Variants in CMIP observed in about 807,000 individuals in gnomAD.
CMIP encodes the protein C-Maf-inducing protein.
Under a neutral mutation model 97.3 loss-of-function variants are expected in CMIP, and 13 were observed. The ratio of observed to expected loss-of-function variants is 0.13; its 90% CI spans 0.09 to 0.21. The LOEUF (loss-of-function observed/expected upper bound fraction) is 0.21. Ranked by LOEUF, CMIP falls within the 10% of genes least tolerant of loss-of-function variation. The pLI is 1.00. For synonymous variants in CMIP, 538 were observed against 436.3 expected (o/e 1.23, Z -2.91); for missense variants, 847 against 1,024.9 (o/e 0.83, Z 2.37).
intron 2 of CMIP, among the ~76,000 whole-genome samples, chr16:81,610,796 G>T (rs947756722): frequency 6.6e-6 from 1 of 152,178 alleles, no homozygotes; most frequent in Non-Finnish European, 1.5e-5. Flanking sequence ...TTCAGTCCTG[G>T]TTGTATTCAC....
intron 1 of CMIP, among the ~76,000 whole-genome samples, chr16:81,570,499 T>G (rs1158186740): frequency 6.6e-6 from 1 of 152,108 alleles, no homozygotes; most frequent in Non-Finnish European, 1.5e-5. Context: ...AATGGCCTCC[T>G]GGCAGGTGGT....
chr16:81,645,300 C>A, intron 3 of CMIP: 8 of 1,134,614 alleles, frequency 7.1e-6, no homozygotes, highest in Non-Finnish European at 9.3e-6. Context: ...GTGCCATGGG[C>A]GCGCCCGTGC....
chr16:81,706,378 G>T (rs1008790886), intron 19 of CMIP, among the ~76,000 whole-genome samples: 1 of 152,256 alleles, frequency 6.6e-6, no homozygotes, highest in African/African-American at 2.4e-5. Flanking sequence ...GCTGGCAAAT[G>T]CTGGGTGGCT....
At chr16:81,465,727 G>C (rs1907163216) in intron 1 of CMIP, among the ~76,000 whole-genome samples, 1 of 152,344 alleles carries the variant, frequency 6.6e-6, no homozygotes, top group South Asian at 2.1e-4. Context: ...TGGGCAGAGT[G>C]ACCCAGCACG....
At chr16:81,495,370 G>T (rs972539494) in intron 1 of CMIP, 3 of 1,513,990 alleles carry the variant, frequency 2.0e-6, no homozygotes, top group Admixed American at 4.2e-5. Flanking sequence ...TGGGCTGGGC[G>T]TGCATGGCAT....
At chr16:81,635,260 G>A (rs2092219700) in intron 3 of CMIP, among the ~76,000 whole-genome samples, 2 of 150,768 alleles carry the variant, frequency 1.3e-5, no homozygotes, top group South Asian at 2.1e-4. Context: ...GGGTGGCCTT[G>A]GTCAAGAGGG....
rs117122470 is a variant in CMIP, at chr16:81,679,399, C to T, written c.1388+771C>T. Reference sequence around the variant, plus strand: ...AGGGTTAGAGAGCATGTGTGTTTCTCTGTATGTTTGCAGGTATGTGCATGA... The same window carrying T: ...AGGGTTAGAGAGCATGTGTGTTTCTTTGTATGTTTGCAGGTATGTGCATGA... On this transcript the variant is annotated intron_variant, in intron 10 of 20. Transcript: ENST00000537098. Among the ~76,000 whole-genome samples the T allele has an allele frequency of 7.1e-3, 1,080 of 152,080 alleles. 23 individuals are homozygous for T. Among genetic ancestry groups the T allele is most frequent in the East Asian group, 0.041 (210 of 5,164 alleles).
chr16:81,487,113 TG>T (rs2089326821), intron 1 of CMIP, among the ~76,000 whole-genome samples: 1 of 138,270 alleles, frequency 7.2e-6, no homozygotes, highest in Non-Finnish European at 1.6e-5. Context: ...CCTCTGGTCA[TG>T]GGGGGCCCTG....
intron 1 of CMIP, among the ~76,000 whole-genome samples, chr16:81,541,900 C>T (rs749260315): frequency 3.9e-5 from 6 of 152,196 alleles, no homozygotes; most frequent in Admixed American, 6.5e-5. Flanking sequence ...TACACCTTTA[C>T]ATACTTTTAG....
rs372743341 is a variant in CMIP at position 81,655,975 on chromosome 16, G to A, written c.640-1800G>A. Among the ~76,000 whole-genome samples the A allele has an allele frequency of 2.6e-5, 4 of 152,130 alleles. No homozygotes were observed. The highest frequency in any genetic ancestry group is 4.4e-5 in the Non-Finnish European group (3 of 68,028). On this transcript the variant is annotated intron_variant, in intron 4 of 20. Transcript: ENST00000537098. The surrounding 1 kb of genome is among the most constrained non-coding windows in gnomAD (Gnocchi z 4.9). The stretch of plus-strand genomic sequence containing the variant: ...AGTCATAAGGAGAGACCAAGGCCAG[G>A]CTTCTCCCCGAAGCTGAAAAATGAC...
chr16:81,645,940 T>C (rs1457517052), intron 3 of CMIP, among the ~76,000 whole-genome samples: 2 of 152,228 alleles, frequency 1.3e-5, no homozygotes, highest in African/African-American at 4.8e-5. Flanking sequence ...GTAAGTTTCA[T>C]GAGCACCGGG....
At chr16:81,511,672 C>T (rs1387330111) in intron 1 of CMIP, among the ~76,000 whole-genome samples, 1 of 147,088 alleles carries the variant, frequency 6.8e-6, no homozygotes, top group East Asian at 1.9e-4. Flanking sequence ...ATGATCCTCC[C>T]ACCTCAGCCT....
rs1180430893 is a variant in CMIP, at chr16:81,701,678, G to C, written c.1774G>C (p.Glu592Gln). ...TMVEILCLML[E>Q]YNIIDNNDTQ... ...TGGACAGATCCTGTGCTTGATGCTG[G>C]AATACAACATCATCGACAACAACGA... is the stretch of plus-strand genomic sequence containing the variant. The change falls in exon 16 of 21, where the codon GAA becomes CAA. Residue 592 changes from glutamate (E) to glutamine (Q), a missense_variant. By Grantham distance (29) the Glu-to-Gln change is conservative (BLOSUM62 2). Transcript: ENST00000537098. 6.2e-7 allele frequency: 1 copy of C among 1,613,910 alleles called. No homozygotes were observed. The highest frequency in any genetic ancestry group is 1.7e-5 in the Admixed American group (1 of 60,036).
At chr16:81,491,001 G>A (rs758579813) in intron 1 of CMIP, among the ~76,000 whole-genome samples, 1 of 152,140 alleles carries the variant, frequency 6.6e-6, no homozygotes, top group African/African-American at 2.4e-5. Context: ...GCACACAGTG[G>A]AGGGGTCGAG....
chr16:81,640,459 C>A (rs987477435), intron 3 of CMIP, among the ~76,000 whole-genome samples: 9 of 152,192 alleles, frequency 5.9e-5, no homozygotes, highest in African/African-American at 2.2e-4. Context: ...ACCAGGCGTC[C>A]TGGGGTCAGT....
At chr16:81,656,487 A>C (rs1427867993) in intron 4 of CMIP, among the ~76,000 whole-genome samples, 1 of 152,230 alleles carries the variant, frequency 6.6e-6, no homozygotes, top group Non-Finnish European at 1.5e-5. Context: ...AGCAGAACAC[A>C]CCACGAAACT....
At chr16:81,522,838 G>A (rs765919681) in intron 1 of CMIP, among the ~76,000 whole-genome samples, 17 of 151,994 alleles carry the variant, frequency 1.1e-4, no homozygotes, top group Non-Finnish European at 2.1e-4. Flanking sequence ...CCCCCTTATT[G>A]TAAGTCCCTT....
At chr16:81,484,602 TG>T (rs144960717) in intron 1 of CMIP, among the ~76,000 whole-genome samples, 2,190 of 152,232 alleles carry the variant, frequency 0.014, 53 homozygotes, top group African/African-American at 0.051. Flanking sequence ...GTGGGGTCAT[TG>T]GGTAATCATC....
chr16:81,497,079 G>A (rs2089505738), intron 1 of CMIP, among the ~76,000 whole-genome samples: 1 of 152,188 alleles, frequency 6.6e-6, no homozygotes, highest in South Asian at 2.1e-4. Flanking sequence ...TAGACCCTGG[G>A]CCTCCCAGGC....
Sources: allele counts gnomAD v4.1 joint callset (sites outside exome capture counted in the v4.1 genomes callset), GRCh38; gene constraint gnomAD v4.1.1; non-coding constraint Gnocchi (gnomAD v3.1); transcripts MANE v1.5; gene names NCBI Gene and HGNC (gene_info 2026-07-23, HGNC 2026-07-21).